Variants in CD163L1 observed in about 807,000 individuals in gnomAD.
The protein encoded by CD163L1 is CD163 molecule like 1, also known as scavenger receptor cysteine-rich type 1 protein M160.
In CD163L1, 124 loss-of-function variants were observed where a neutral mutation model predicts 165.4. The observed-to-expected ratio is 0.75, with a 90% confidence interval of 0.65 to 0.87. The LOEUF (loss-of-function observed/expected upper bound fraction) is 0.87, where lower values mean the gene tolerates loss of function less well. CD163L1 is among the 40% of genes least tolerant of loss of function. The pLI is 0.00. For synonymous variants in CD163L1, 585 were observed against 662.2 expected, an observed-to-expected ratio of 0.88 and a Z score of 1.79; for missense variants, 1,525 against 1,799.9, an observed-to-expected ratio of 0.85 and a Z score of 2.76.
rs1265575215 is a variant in CD163L1, at chr12:7,373,575, A to G, written c.3475T>C (p.Phe1159Leu). The change falls in exon 14 of 20, where the codon TTC becomes CTC. Residue 1159 changes from phenylalanine (F) to leucine (L), a missense_variant. Phe to Leu is a conservative substitution (Grantham distance 22). Coordinates refer to ENST00000313599, the MANE Select transcript of CD163L1 (RefSeq NM_174941.6). ...TESCAGRLEV[F>L]YNGTWGSVGR... ...ACGCTGCCCCAGGTCCCGTTATAGAAGACTTCCAATCTCCCAGCACAGCTC... is the reference window on the plus strand; with the variant it reads ...ACGCTGCCCCAGGTCCCGTTATAGAGGACTTCCAATCTCCCAGCACAGCTC... 1 of 1,613,872 alleles carries G rather than the reference A, an allele frequency of 6.2e-7. No homozygotes were observed. The highest frequency in any genetic ancestry group is 1.3e-5 in the African/African-American group (1 of 74,930).
Position 7,420,163 on chromosome 12 carries a change from A to G in CD163L1, c.766+12253T>C, listed in dbSNP as rs116178541. 9.6e-3 allele frequency among the ~76,000 whole-genome samples: 1,457 copies of G among 152,194 alleles called. 26 individuals carry two copies. The highest frequency in any genetic ancestry group is 0.033 in the African/African-American group (1,351 of 41,542). Reference sequence around the variant, plus strand: ...ATAATTGGCAAGCCACATGTAAAAGAGTGAAAACGGATCCTCATCTCTCAC... The same window carrying G: ...ATAATTGGCAAGCCACATGTAAAAGGGTGAAAACGGATCCTCATCTCTCAC... On this transcript the variant is annotated intron_variant, in intron 4 of 19. Coordinates refer to ENST00000313599, the MANE Select transcript of CD163L1 (RefSeq NM_174941.6).
rs766993246 is a variant in CD163L1, at chr12:7,429,457, T to G, written c.766+2959A>C. Among the ~76,000 whole-genome samples, 3 of 152,224 alleles carry G rather than the reference T, an allele frequency of 2.0e-5. No homozygotes were observed. In the South Asian group the frequency reaches 6.2e-4, roughly 32 times the overall value. ...TTATATCTCTAATTCATACATTTCT[T>G]CTGAGAATTTCCAGTGGGAATATCC... On this transcript the variant is annotated intron_variant, in intron 4 of 19. Coordinates refer to ENST00000313599, the MANE Select transcript of CD163L1 (RefSeq NM_174941.6).
At chr12:7,334,934 G>A in the CD163L1 span, among the ~76,000 whole-genome samples, 4 of 152,148 alleles carry the variant, frequency 2.6e-5, no homozygotes, top group African/African-American at 7.2e-5. Flanking sequence ...CAATTTACAA[G>A]GGATGTGAAG....
chr12:7,411,292 T>A (rs967370477), intron 4 of CD163L1, among the ~76,000 whole-genome samples: 1 of 152,214 alleles, frequency 6.6e-6, no homozygotes, highest in African/African-American at 2.4e-5. Flanking sequence ...GTTCAAAGTC[T>A]TACTAAAACA....
intron 8 of CD163L1, among the ~76,000 whole-genome samples, chr12:7,380,328 T>TACGC (rs1442801212): frequency 6.8e-6 from 1 of 147,450 alleles, no homozygotes; most frequent in South Asian, 2.1e-4. Context: ...CATATATGTA[T>TACGC]GTATACACGT....
chr12:7,396,952 A>G (rs1283979894), intron 7 of CD163L1, among the ~76,000 whole-genome samples: 1 of 152,194 alleles, frequency 6.6e-6, no homozygotes, highest in African/African-American at 2.4e-5. Flanking sequence ...TAGTGGTTCT[A>G]GAGGAACAAA....
Position 7,379,240 on chromosome 12 carries a change from A to G in CD163L1, c.2109T>C (p.Val703=). ...VGGSSRCAGK[V]EVNVQGAVGI... ...CCACGGCACCCTGGACATTCACCTC[A>G]ACTTTTCCAGCACACCTGCTGCTTC... The change falls in exon 9 of 20, where the codon GTT becomes GTC. Residue 703 remains valine (V), a synonymous_variant. Coordinates refer to ENST00000313599, the MANE Select transcript of CD163L1 (RefSeq NM_174941.6). 6.2e-7 allele frequency: 1 copy of G among 1,614,122 alleles called. No homozygotes were observed. The highest frequency in any genetic ancestry group is 8.5e-7 in the Non-Finnish European group (1 of 1,179,994).
chr12:7,419,807 A>G (rs1322315595), intron 4 of CD163L1, among the ~76,000 whole-genome samples: 1 of 152,126 alleles, frequency 6.6e-6, no homozygotes, highest in Non-Finnish European at 1.5e-5. Context: ...TAAAAATTCA[A>G]TGAAATTCCC....
intron 8 of CD163L1, among the ~76,000 whole-genome samples, chr12:7,390,436 T>C (rs1947628297): frequency 6.6e-6 from 1 of 152,182 alleles, no homozygotes; most frequent in African/African-American, 2.4e-5. Flanking sequence ...TTTACACTCA[T>C]GCAGCATTCC....
the CD163L1 span, chr12:7,327,183 G>A: frequency 3.6e-4 from 510 of 1,407,910 alleles, 3 homozygotes; most frequent in African/African-American, 6.9e-3. Flanking sequence ...TGATTTTATA[G>A]TAGCTCATTA....
intron 4 of CD163L1, among the ~76,000 whole-genome samples, chr12:7,428,905 A>T (rs778508786): frequency 6.6e-6 from 1 of 152,236 alleles, no homozygotes; most frequent in South Asian, 2.1e-4. Flanking sequence ...TAATCCAATC[A>T]AACTAGTCTA....
intron 2 of CD163L1, among the ~76,000 whole-genome samples, chr12:7,440,285 G>A (rs1000387726): frequency 6.6e-6 from 1 of 151,734 alleles, no homozygotes; most frequent in African/African-American, 2.4e-5. Flanking sequence ...GCGACGGGGA[G>A]GGCGGACTGC....
chr12:7,319,127 C>A, the CD163L1 span, among the ~76,000 whole-genome samples: 1 of 152,138 alleles, frequency 6.6e-6, no homozygotes, highest in South Asian at 2.1e-4. Flanking sequence ...ACTAGACAGT[C>A]CCATCTGGGG....
chr12:7,329,304 T>G, the CD163L1 span, among the ~76,000 whole-genome samples: 1 of 149,210 alleles, frequency 6.7e-6, no homozygotes, highest in African/African-American at 2.4e-5. Context: ...TTTTCAGCTA[T>G]TAGTGGTTTA....
rs181764810 is a variant in CD163L1 at position 7,373,209 on chromosome 12, T to G, written c.3730+111A>C. On this transcript the variant is annotated intron_variant, in intron 14 of 19. Coordinates refer to ENST00000313599, the MANE Select transcript of CD163L1 (RefSeq NM_174941.6). The stretch of plus-strand genomic sequence containing the variant: ...TGCGATAAATCAGCACTTATTGTCA[T>G]GCACTTTTCAGTGAGTCTGCCATGT... 4.6e-6 allele frequency: 4 copies of G among 862,854 alleles called. No individual in the cohort carries two copies. The South Asian group carries it at 7.2e-5, about 16-fold the overall frequency. 53.4% of individuals were successfully genotyped at this position (862,854 alleles called of 1,614,324 possible). A position where few individuals can be genotyped will look rare whatever the true frequency, so the allele number is the denominator to read the frequency against.
intron 5 of CD163L1, among the ~76,000 whole-genome samples, chr12:7,404,186 C>T (rs901635045): frequency 2.0e-5 from 3 of 152,002 alleles, no homozygotes; most frequent in Middle Eastern, 3.2e-3. Context: ...CAATAAAAAG[C>T]CATATAAACC....
intron 6 of CD163L1, among the ~76,000 whole-genome samples, chr12:7,399,506 TCCCTCCCTCCCTC>T (rs1947871676): frequency 7.1e-6 from 1 of 141,794 alleles, no homozygotes. Flanking sequence ...TCCCTTTCCC[TCCCTCCCTCCCTC>T]TCTTTCTTTC....
the CD163L1 span, chr12:7,324,440 A>G: frequency 1.9e-6 from 3 of 1,613,936 alleles, no homozygotes; most frequent in Non-Finnish European, 2.5e-6. Context: ...ACAATTCGAC[A>G]GGGAGGGAGA....
intron 7 of CD163L1, among the ~76,000 whole-genome samples, chr12:7,396,874 A>G (rs35473729): frequency 1.4e-4 from 22 of 151,990 alleles, no homozygotes; most frequent in East Asian, 3.9e-4. Context: ...GAGAGAGAGA[A>G]GAGAGGCTCA....
Sources: gnomAD v4.1 joint callset for allele counts (sites outside exome capture counted in the v4.1 genomes callset) on GRCh38, gnomAD v4.1.1 for gene constraint, MANE v1.5 for transcripts, NCBI Gene and HGNC (gene_info 2026-07-23, HGNC 2026-07-21) for gene names.